Variants in STAB1 observed in about 807,000 individuals in gnomAD.
The protein encoded by STAB1 is stabilin-1.
Under a neutral mutation model 332.4 loss-of-function variants are expected in STAB1, and 250 were observed. The ratio of observed to expected loss-of-function variants is 0.75; its 90% CI spans 0.68 to 0.84. The LOEUF is 0.84. STAB1 is among the 40% of genes least tolerant of loss of function. The pLI, the probability that STAB1 is intolerant of heterozygous loss-of-function variation, is 0.00. For synonymous variants in STAB1, 1,475 were observed against 1,390.4 expected, an observed-to-expected ratio of 1.06 and a Z score of -1.35; for missense variants, 3,249 against 3,489.7, an observed-to-expected ratio of 0.93 and a Z score of 1.74.
intron 18 of STAB1, among the ~76,000 whole-genome samples, chr3:52,507,278 C>G (rs113825464): frequency 6.6e-6 from 1 of 152,244 alleles, no homozygotes; most frequent in Non-Finnish European, 1.5e-5. Context: ...CCTCTGACCT[C>G]AGGTGATCCG....
intron 1 of STAB1, among the ~76,000 whole-genome samples, chr3:52,498,801 T>G (rs1266862444): frequency 6.6e-6 from 1 of 152,224 alleles, no homozygotes; most frequent in Non-Finnish European, 1.5e-5. Context: ...CAGCAGCTGC[T>G]CAGCCCTCAA....
chr3:52,501,504 C>CTAGG, intron 2 of STAB1, 134 bp from the exon 3 acceptor site: 1 of 1,090,798 alleles, frequency 9.2e-7, no homozygotes, highest in Non-Finnish European at 1.3e-6. Flanking sequence ...CTGCTATGTG[C>CTAGG]TAGGCCCTGT....
Position 52,520,904 on chromosome 3 carries a change from G to T in STAB1, c.5807G>T (p.Trp1936Leu). The change falls in exon 55 of 69, where the codon TGG (tryptophan) becomes TTG (leucine). Residue 1936 changes from tryptophan to leucine, a missense_variant. Trp to Leu is a moderately conservative substitution (Grantham distance 61, BLOSUM62 -2). Transcript: ENST00000321725. The stretch of plus-strand genomic sequence containing the variant: ...AGCGTCTGGGTCCACCCCAGCCTTT[G>T]GGGTAGGCCCCAAGGCCTGGGCAGG... ...LRSVWVHPSLWGRPQGLGRGC... is the reference protein window; with the variant it reads ...LRSVWVHPSLLGRPQGLGRGC... The T allele has an allele frequency of 6.2e-7, 1 of 1,608,562 alleles. No homozygotes were observed. Among genetic ancestry groups the T allele is most frequent in the South Asian group, 1.1e-5 (1 of 90,596 alleles).
rs2079200121 is a variant in STAB1, at chr3:52,524,411, T to TTGTC, written c.*58_*61dup. 7 of 1,611,920 alleles carry TTGTC rather than the reference T, an allele frequency of 4.3e-6. No homozygotes were observed. The South Asian group carries it at 5.5e-5, about 13-fold the overall frequency. ...ACAGGGAGGAGACCACTTTTATTGC[T>TTGTC]TGTCTGGGTGGATGGGGCAGGAGGG... On this transcript the variant is annotated 3_prime_UTR_variant, in exon 69 of 69. Coordinates refer to ENST00000321725, the MANE Select transcript of STAB1 (RefSeq NM_015136.3).
In STAB1 at chr3:52,524,095, C is replaced by T. The variant is rs755754678; in HGVS notation, c.7543-5C>T. 9 of 1,613,404 alleles carry T rather than the reference C, an allele frequency of 5.6e-6. No homozygotes were observed. In the South Asian group the frequency reaches 8.8e-5, roughly 16 times the overall value. The stretch of plus-strand genomic sequence containing the variant: ...CCTCGCCACTCACCCCTCTGCTGCT[C>T]CCAGGCGGAAGATGATGCTGATGAC... On this transcript the variant is annotated splice_region_variant and splice_polypyrimidine_tract_variant and intron_variant, in intron 67 of 68. Coordinates refer to ENST00000321725, the MANE Select transcript of STAB1 (RefSeq NM_015136.3).
At chr3:52,514,881 G>A (rs1339932070) in intron 35 of STAB1, 52 bp downstream of exon 35, 2 of 1,612,826 alleles carry the variant, frequency 1.2e-6, no homozygotes, top group East Asian at 2.2e-5. Flanking sequence ...GAGCTGGGAG[G>A]GCCTAGCTGA....
Position 52,509,850 on chromosome 3 carries a change from C to A in STAB1, c.2348-20C>A. 1 of 1,612,518 alleles carries A rather than the reference C, an allele frequency of 6.2e-7. No homozygotes were observed. Among genetic ancestry groups the A allele is most frequent in the Non-Finnish European group, 8.5e-7 (1 of 1,179,642 alleles). On this transcript the variant is annotated intron_variant, in intron 22 of 68. Transcript: ENST00000321725. The stretch of plus-strand genomic sequence containing the variant: ...TGCCTCCTGCTTCTCAGTTTCCTTG[C>A]TCCCATCTACTCCATACAGACTGCG...
chr3:52,501,565 C>A, intron 2 of STAB1, 73 bp from the exon 3 acceptor site: 1 of 1,400,450 alleles, frequency 7.1e-7, no homozygotes, highest in South Asian at 1.3e-5. Flanking sequence ...GCCCCGGAAG[C>A]CAATGTGGGG....
In STAB1 at chr3:52,522,697, G is replaced by C; in HGVS notation, c.6744+9G>C. ...TCTCTGCTGCCCAGCAGGTGTGTGG[G>C]GCCCAGAAGTTGGGGCCAAGTGTTG... On this transcript the variant is annotated intron_variant, in intron 61 of 68. Transcript: ENST00000321725. 4 of 1,612,904 alleles carry C rather than the reference G, an allele frequency of 2.5e-6. No homozygotes were observed. The highest frequency in any genetic ancestry group is 1.7e-6 in the Non-Finnish European group (2 of 1,179,998).
chr3:52,522,032 C>G lies in STAB1; in HGVS notation c.6272-5C>G. ...TAGGTCCAACCACTCCCTCCCTGCC[C>G]TCAGTGGCAGACCTGTGCCAGGACG... On this transcript the variant is annotated splice_region_variant and splice_polypyrimidine_tract_variant and intron_variant, in intron 58 of 68. Coordinates refer to ENST00000321725, the MANE Select transcript of STAB1 (RefSeq NM_015136.3). 6.2e-7 allele frequency: 1 copy of G among 1,613,128 alleles called. No individual in the cohort carries two copies. The highest frequency in any genetic ancestry group is 1.1e-5 in the South Asian group (1 of 91,070).
In STAB1 at chr3:52,523,160, G is replaced by A. The variant is rs80031974; in HGVS notation, c.7020+26G>A. 1,249 of 1,609,336 alleles carry A rather than the reference G, an allele frequency of 7.8e-4. 25 individuals carry two copies. In the East Asian group the frequency reaches 0.024, roughly 31 times the overall value. ...GTGTGTGGGGGCCACCCTTGGGGGC[G>A]GGGGGTGCTGGGATCCCCGAGGAGG... On this transcript the variant is annotated intron_variant, in intron 63 of 68. Transcript: ENST00000321725.
In STAB1 at chr3:52,522,233, G is replaced by A; in HGVS notation, c.6465+3G>A. ...CCAACTGCTTGAGCACCGGCCTGGT[G>A]AGCAGGTGGGGGAACCGAGTAGCCA... On this transcript the variant is annotated splice_donor_region_variant and intron_variant, in intron 59 of 68. Transcript: ENST00000321725. The A allele has an allele frequency of 6.2e-7, 1 of 1,612,346 alleles. No individual in the cohort carries two copies. Among genetic ancestry groups the A allele is most frequent in the Non-Finnish European group, 8.5e-7 (1 of 1,179,706 alleles).
rs906891727 is a variant in STAB1, at chr3:52,506,548, A to G, written c.1831-144A>G. On this transcript the variant is annotated intron_variant, in intron 17 of 68. Transcript: ENST00000321725. ...GTGTCGTTGGCCAGAGCTGAAGGAG[A>G]GGTGGCTGGTATGGCCAGCGGGGCC... is the stretch of plus-strand genomic sequence containing the variant. 1.7e-5 allele frequency: 15 copies of G among 906,540 alleles called. No individual in the cohort carries two copies. The African/African-American group carries it at 2.4e-4, about 14-fold the overall frequency. The allele number at this position is 906,540 out of a possible 1,614,324, so 56.2% of individuals were successfully genotyped here.
rs556165651 is a variant in STAB1 at position 52,505,093 on chromosome 3, G to A, written c.1468G>A (p.Val490Ile). Residue 490 changes from valine to isoleucine, a missense_variant, in exon 13 of 69, where the codon GTC becomes ATC. Coordinates refer to ENST00000321725, the MANE Select transcript of STAB1 (RefSeq NM_015136.3). ...NIAANGVFHV[V>I]TGLRWQAPSG... ...AGCAGCTAATGGCGTCTTCCACGTG[G>A]TCACTGGCCTGCGGTGGCAGGCCCC... 1.9e-6 allele frequency: 3 copies of A among 1,613,682 alleles called. No individual in the cohort carries two copies. Among genetic ancestry groups the A allele is most frequent in the Middle Eastern group, 1.6e-4 (1 of 6,062 alleles).
rs753670732 is a variant in STAB1, at chr3:52,504,193, C to A, written c.1150+38C>A. 3 of 1,557,730 alleles carry A rather than the reference C, an allele frequency of 1.9e-6. No individual in the cohort carries two copies. The South Asian group carries it at 3.5e-5, about 18-fold the overall frequency. ...ACTGCTTGCCCACGACCCGACCCCTCACCCCCAGCACAGTTGGCAGGGAGG... is the reference window on the plus strand; with the variant it reads ...ACTGCTTGCCCACGACCCGACCCCTAACCCCCAGCACAGTTGGCAGGGAGG... On this transcript the variant is annotated intron_variant, in intron 10 of 68. Transcript: ENST00000321725.
At position 52,522,556 on chromosome 3, in the gene STAB1, G is replaced by GAA; in HGVS notation, c.6614_6615dup (p.Arg2206AsnfsTer17). 1 of 1,613,086 alleles carries GAA rather than the reference G, an allele frequency of 6.2e-7. No individual in the cohort carries two copies. Among genetic ancestry groups the GAA allele is most frequent in the Non-Finnish European group, 8.5e-7 (1 of 1,180,018 alleles). On this transcript the variant is annotated frameshift_variant and splice_region_variant, in exon 61 of 69. Coordinates refer to ENST00000321725, the MANE Select transcript of STAB1 (RefSeq NM_015136.3). LOFTEE classifies it high-confidence loss of function. Reference sequence around the variant, plus strand: ...ACCATGCACCCCTCCATTCTGCAGAGAAACGGGCTGGCGTTTTCCACCTCC... The same window carrying GAA: ...ACCATGCACCCCTCCATTCTGCAGAGAAAAACGGGCTGGCGTTTTCCACCTCC...
At chr3:52,510,093 C>T (rs1317126993) in intron 23 of STAB1, 37 bp downstream of exon 23, 1 of 1,613,472 alleles carries the variant, frequency 6.2e-7, no homozygotes, top group African/African-American at 1.3e-5. Context: ...CCACCCGTGA[C>T]CTTTCATACC....
chr3:52,519,912 G>A, intron 50 of STAB1, 32 bp from the exon 51 acceptor site: 1 of 1,541,450 alleles, frequency 6.5e-7, no homozygotes, highest in Non-Finnish European at 8.7e-7. Context: ...TGACTGGGCA[G>A]CGACTGCCAC....
At position 52,517,306 on chromosome 3, in the gene STAB1, G is replaced by T. The variant is rs2078904184; in HGVS notation, c.4490-14G>T. 6.4e-7 allele frequency: 1 copy of T among 1,553,780 alleles called. No individual in the cohort carries two copies. On this transcript the variant is annotated splice_polypyrimidine_tract_variant and intron_variant, in intron 42 of 68. Transcript: ENST00000321725. Reference sequence around the variant, plus strand: ...CACTAAGGGCCACCCCCATCCCAGTGTCTCTTCCCCCAGAAATTAACAGCT... The same window carrying T: ...CACTAAGGGCCACCCCCATCCCAGTTTCTCTTCCCCCAGAAATTAACAGCT...
Sources: allele counts gnomAD v4.1 joint callset (sites outside exome capture counted in the v4.1 genomes callset), GRCh38; gene constraint gnomAD v4.1.1; transcripts MANE v1.5; gene names NCBI Gene and HGNC (gene_info 2026-07-23, HGNC 2026-07-21).